HDAC9: variants seen among roughly 807,000 people sequenced by gnomAD.
The protein encoded by HDAC9 is MEF-2 interacting transcription repressor (MITR) protein.
Under a neutral mutation model 139.4 loss-of-function variants are expected in HDAC9, and 41 were observed. The observed-to-expected ratio is 0.29, with a 90% CI of 0.23 to 0.38. The LOEUF (loss-of-function observed/expected upper bound fraction) is 0.38. Among genes scored for constraint, HDAC9 ranks in the 10% least tolerant of loss-of-function variants. HDAC9 has a pLI of 1.00. For synonymous variants in HDAC9, 517 were observed against 476.2 expected, an observed-to-expected ratio of 1.09 and a Z score of -1.12; for missense variants, 1,147 against 1,297.0, an observed-to-expected ratio of 0.88 and a Z score of 1.78.
chr7:18,486,302 C>A (rs1795970691), intron 1 of HDAC9, among the ~76,000 whole-genome samples: 1 of 152,070 alleles, frequency 6.6e-6, no homozygotes, highest in Admixed American at 6.6e-5. Context: ...TCTCATGAAT[C>A]AAATTTAAAT....
At position 18,881,752 on chromosome 7, in the gene HDAC9, T is replaced by C. The variant is rs569604111; in HGVS notation, c.2803+7156T>C. Among the ~76,000 whole-genome samples the C allele has an allele frequency of 2.0e-5, 3 of 152,282 alleles. No homozygotes were observed. In the South Asian group the frequency reaches 6.2e-4, roughly 32 times the overall value. Reference sequence around the variant, plus strand: ...AATATTTCTGTAACTATTCAGAACGTAGTAGCTCTGTTTAGCAGTTGTATC... The same window carrying C: ...AATATTTCTGTAACTATTCAGAACGCAGTAGCTCTGTTTAGCAGTTGTATC... On this transcript the variant is annotated intron_variant, in intron 22 of 25. Transcript: ENST00000686413.
At chr7:18,336,405 C>T (rs552022214) in intron 1 of HDAC9, among the ~76,000 whole-genome samples, 4 of 151,694 alleles carry the variant, frequency 2.6e-5, no homozygotes, top group African/African-American at 7.2e-5. Flanking sequence ...CAGAGTTAAG[C>T]AAACAAGGCT....
At chr7:18,491,759 T>C (rs1417099423), upstream of HDAC9, among the ~76,000 whole-genome samples, 3 of 151,950 alleles carry the variant, frequency 2.0e-5, no homozygotes, top group Admixed American at 2.0e-4. Flanking sequence ...CCTGCCCTAG[T>C]TCTCAGACAG....
At chr7:18,592,985 A>G (rs1831411594) in intron 5 of HDAC9, among the ~76,000 whole-genome samples, 1 of 152,150 alleles carries the variant, frequency 6.6e-6, no homozygotes, top group Admixed American at 6.6e-5. Context: ...TATTAAGCAT[A>G]GCTCTCACAT....
upstream of HDAC9, among the ~76,000 whole-genome samples, chr7:18,491,099 A>G (rs1796332728): frequency 6.6e-6 from 1 of 151,966 alleles, no homozygotes; most frequent in Admixed American, 6.6e-5. Context: ...TTATCAACTG[A>G]GATTGATTTT....
At chr7:18,125,595 T>C (rs1784614565) in intron 1 of HDAC9, among the ~76,000 whole-genome samples, 12 of 152,100 alleles carry the variant, frequency 7.9e-5, no homozygotes, top group Admixed American at 7.9e-4. Context: ...AGACAGGGAT[T>C]ACAGTCTGTG....
intron 2 of HDAC9, among the ~76,000 whole-genome samples, chr7:18,258,336 T>G (rs946594620): frequency 6.6e-6 from 1 of 152,212 alleles, no homozygotes; most frequent in African/African-American, 2.4e-5. Context: ...TTTTATTTAT[T>G]TTTTATTTCA....
chr7:18,642,953 C>T (rs1786171718), intron 8 of HDAC9, among the ~76,000 whole-genome samples: 1 of 152,012 alleles, frequency 6.6e-6, no homozygotes, highest in African/African-American at 2.4e-5. Flanking sequence ...GCAGATATAA[C>T]CTTGAATGAA....
chr7:18,617,104 TC>T (rs757087176), intron 6 of HDAC9, among the ~76,000 whole-genome samples: 5 of 152,078 alleles, frequency 3.3e-5, no homozygotes, highest in South Asian at 2.1e-4. Context: ...CTGTTAAATC[TC>T]CCCTTTCTTA....
intron 11 of HDAC9, among the ~76,000 whole-genome samples, chr7:18,664,158 G>T (rs1456555659): frequency 6.6e-6 from 1 of 152,120 alleles, no homozygotes; most frequent in Non-Finnish European, 1.5e-5. Context: ...AAGAAAAGAA[G>T]AGCTGATTAG....
At chr7:18,295,070 G>A (rs187012038) in intron 1 of HDAC9, among the ~76,000 whole-genome samples, 1 of 152,236 alleles carries the variant, frequency 6.6e-6, no homozygotes, top group African/African-American at 2.4e-5. Context: ...AAGATGTCAA[G>A]TAGGCATAAG....
intron 17 of HDAC9, among the ~76,000 whole-genome samples, chr7:18,802,843 C>T (rs1319854965): frequency 6.6e-6 from 1 of 151,556 alleles, no homozygotes; most frequent in African/African-American, 2.4e-5. Flanking sequence ...CCTGGCTTAT[C>T]ATTTACCATT....
chr7:18,634,490 GTTCT>G (rs1467100029), intron 7 of HDAC9, 133 bp from the exon 8 acceptor site: 6 of 589,890 alleles, frequency 1.0e-5, no homozygotes, highest in Non-Finnish European at 1.2e-5. Flanking sequence ...GAAATTTTTA[GTTCT>G]TTCTATTTTG....
At chr7:18,230,527 C>T (rs924842536) in intron 2 of HDAC9, among the ~76,000 whole-genome samples, 4 of 152,122 alleles carry the variant, frequency 2.6e-5, no homozygotes, top group Non-Finnish European at 2.9e-5. Context: ...ATTTATCACC[C>T]GAAATGACCT....
At chr7:18,498,857 T>C (rs1423941593) in intron 2 of HDAC9, among the ~76,000 whole-genome samples, 1 of 152,136 alleles carries the variant, frequency 6.6e-6, no homozygotes, top group Non-Finnish European at 1.5e-5. Flanking sequence ...TTGTTGTTTT[T>C]AGTGAATGAA....
At chr7:18,703,463 ATAT>A (rs1783659501) in intron 12 of HDAC9, among the ~76,000 whole-genome samples, 1 of 152,228 alleles carries the variant, frequency 6.6e-6, no homozygotes, top group African/African-American at 2.4e-5. Flanking sequence ...GTACGAATTA[ATAT>A]TAATAACTGA....
At chr7:18,392,313 TCTCACACACA>T (rs1463111088) in intron 1 of HDAC9, among the ~76,000 whole-genome samples, 1 of 111,194 alleles carries the variant, frequency 9.0e-6, no homozygotes, top group African/African-American at 3.4e-5. Context: ...TCTCTCTCTC[TCTCACACACA>T]CACACACACA....
chr7:18,410,823 T>G (rs1166447833), intron 1 of HDAC9, among the ~76,000 whole-genome samples: 1 of 152,216 alleles, frequency 6.6e-6, no homozygotes, highest in Non-Finnish European at 1.5e-5. Context: ...AAATTGTGTA[T>G]GTACTCCAAA....
At chr7:18,172,416 AT>A (rs1325193369) in intron 2 of HDAC9, among the ~76,000 whole-genome samples, 2 of 151,962 alleles carry the variant, frequency 1.3e-5, no homozygotes, top group East Asian at 1.9e-4. Flanking sequence ...GGATTCATTG[AT>A]TTTTTTGAAG....
Sources: gnomAD v4.1 joint callset for allele counts (sites outside exome capture counted in the v4.1 genomes callset) on GRCh38, gnomAD v4.1.1 for gene constraint, MANE v1.5 for transcripts, NCBI Gene and HGNC (gene_info 2026-07-23, HGNC 2026-07-21) for gene names.